The following ESRRB variants were observed in gnomAD, a reference collection of about 807,000 sequenced individuals.
ESRRB encodes the protein estrogen related receptor beta.
A neutral mutation model predicts 46.0 loss-of-function variants in ESRRB; 16 were observed. That is an observed-to-expected ratio of 0.35 (90% CI 0.24 to 0.53). The LOEUF is 0.53. ESRRB is among the 20% of genes least tolerant of loss of function. The pLI is 0.93. For synonymous variants in ESRRB, 246 were observed against 259.6 expected (o/e 0.95, Z 0.50); for missense variants, 488 against 607.4 (o/e 0.80, Z 2.07).
At chr14:76,313,009 G>A (rs2885128) in intron 1 of ESRRB, among the ~76,000 whole-genome samples, 71,073 of 151,962 alleles carry the variant, frequency 0.47, 18,123 homozygotes, top group South Asian at 0.65. Flanking sequence ...GCATTCCTGA[G>A]CAAGTCCTGT....
exon 1 of ESRRB, chr14:76,310,814 T>C: frequency 2.2e-6 from 1 of 453,364 alleles, no homozygotes; most frequent in Admixed American, 2.4e-5. Flanking sequence ...TGTCAGCTGG[T>C]ACCGGAGGAG....
chr14:76,372,846 G>T (rs371745051), upstream of ESRRB, among the ~76,000 whole-genome samples: 1 of 152,238 alleles, frequency 6.6e-6, no homozygotes, highest in African/African-American at 2.4e-5. Context: ...AGAAAGAAAA[G>T]AAAAGAAAAA....
intron 1 of ESRRB, among the ~76,000 whole-genome samples, chr14:76,355,316 G>A (rs1328707942): frequency 6.6e-6 from 1 of 152,096 alleles, no homozygotes; most frequent in African/African-American, 2.4e-5. Flanking sequence ...AAGGACCCTG[G>A]CAGACTTTTA....
chr14:76,488,927 G>A (rs959686918), intron 5 of ESRRB, among the ~76,000 whole-genome samples: 4 of 152,162 alleles, frequency 2.6e-5, no homozygotes, highest in African/African-American at 4.8e-5. Context: ...ACTGTAAACC[G>A]TTGAAGGCAG....
intron 1 of ESRRB, among the ~76,000 whole-genome samples, chr14:76,434,486 AC>A (rs1595113860): frequency 6.6e-6 from 1 of 151,708 alleles, no homozygotes; most frequent in African/African-American, 2.4e-5. Context: ...CCCTGTCTCT[AC>A]CAAAAAAAAA....
Position 76,499,086 on chromosome 14 carries a change from G to A in ESRRB, c.*628G>A, listed in dbSNP as rs934051398. On this transcript the variant is annotated 3_prime_UTR_variant, in exon 7 of 7. Transcript: ENST00000644823. ...GTGCTTCCTGGGCACCCCACCCCTC[G>A]GGGCCTACCCCCCTGCCTGTCACCC... 7 of 333,062 alleles carry A rather than the reference G, an allele frequency of 2.1e-5. No homozygotes were observed. Among genetic ancestry groups the A allele is most frequent in the Non-Finnish European group, 3.0e-5 (5 of 169,178 alleles). 20.6% of individuals were successfully genotyped at this position (333,062 alleles called of 1,614,324 possible). A position where few individuals can be genotyped will look rare whatever the true frequency, so the allele number is the denominator to read the frequency against.
intron 1 of ESRRB, among the ~76,000 whole-genome samples, chr14:76,428,612 G>T (rs1023552253): frequency 6.6e-6 from 1 of 152,162 alleles, no homozygotes; most frequent in Non-Finnish European, 1.5e-5. Context: ...CAAAAAGCCA[G>T]CAGTGGCCAC....
At position 76,482,774 on chromosome 14, in the gene ESRRB, C is replaced by T; in HGVS notation, c.850+15C>T. On this transcript the variant is annotated intron_variant, in intron 5 of 6. Transcript: ENST00000644823. This position sits in a 1 kb window ranked among gnomAD's most constrained non-coding sequence, Gnocchi z 4.3. Reference sequence around the variant, plus strand: ...GCACATCCCAGGTGAGCATGTGGGACCAGGGGAGAGTGTGGCCAGGGACTC... The same window carrying T: ...GCACATCCCAGGTGAGCATGTGGGATCAGGGGAGAGTGTGGCCAGGGACTC... The T allele has an allele frequency of 6.2e-7, 1 of 1,613,642 alleles. No individual in the cohort carries two copies. The highest frequency in any genetic ancestry group is 8.5e-7 in the Non-Finnish European group (1 of 1,179,958).
chr14:76,332,679 T>A lies in ESRRB; in HGVS notation c.2+21763T>A, dbSNP rs1459406337. On this transcript the variant is annotated intron_variant, in intron 1 of 6. Transcript: ENST00000512784. ...AATATATATTATATATATTTATATATTATATATTTATATATTTATATATTA... is the reference window on the plus strand; with the variant it reads ...AATATATATTATATATATTTATATAATATATATTTATATATTTATATATTA... 3.1e-3 allele frequency among the ~76,000 whole-genome samples: 101 copies of A among 32,424 alleles called. 2 individuals are homozygous for A. The highest frequency in any genetic ancestry group is 0.028 in the Middle Eastern group (1 of 36). 21.3% of individuals were successfully genotyped at this position (32,424 alleles called of 152,430 possible).
chr14:76,438,677 A>C (rs1322511947), intron 1 of ESRRB, among the ~76,000 whole-genome samples: 1 of 152,002 alleles, frequency 6.6e-6, no homozygotes, highest in Non-Finnish European at 1.5e-5. Flanking sequence ...AAAAAAAAAA[A>C]ACTTGTAGCC....
chr14:76,372,512 C>T (rs1490780750), upstream of ESRRB, among the ~76,000 whole-genome samples: 2 of 152,102 alleles, frequency 1.3e-5, no homozygotes, highest in Non-Finnish European at 2.9e-5. Flanking sequence ...TAGGGAAGAG[C>T]TCAAACTCAG....
chr14:76,470,258 C>G (rs190914784), intron 3 of ESRRB, among the ~76,000 whole-genome samples: 96 of 152,298 alleles, frequency 6.3e-4, no homozygotes, highest in African/African-American at 2.2e-3. Context: ...CCACGCTAGG[C>G]TTCTAAAAGA....
intron 1 of ESRRB, among the ~76,000 whole-genome samples, chr14:76,317,882 C>T (rs1174430010): frequency 6.6e-6 from 1 of 152,164 alleles, no homozygotes; most frequent in Non-Finnish European, 1.5e-5. Flanking sequence ...CCTAATATCA[C>T]CAGTAAGATA....
At chr14:76,342,922 G>A (rs1023188602) in intron 1 of ESRRB, among the ~76,000 whole-genome samples, 3 of 152,178 alleles carry the variant, frequency 2.0e-5, no homozygotes, top group Non-Finnish European at 4.4e-5. Flanking sequence ...AATGGGCAGG[G>A]ATCGAGTAAG....
rs769654546 is a variant in ESRRB, at chr14:76,453,225, TGAG to T, written c.461-9316_461-9314del. On this transcript the variant is annotated intron_variant, in intron 2 of 6. Transcript: ENST00000644823. Reference sequence around the variant, plus strand: ...CATAGGAGGGGCCTTGAAAGGAGATTGAGGAGTGCCATATTTCATCAGTTCTAA... The same window carrying T: ...CATAGGAGGGGCCTTGAAAGGAGATTGAGTGCCATATTTCATCAGTTCTAA... Among the ~76,000 whole-genome samples the T allele has an allele frequency of 8.5e-5, 13 of 152,304 alleles. No homozygotes were observed. In the East Asian group the frequency reaches 1.9e-3, roughly 23 times the overall value.
chr14:76,436,196 T>A (rs929939898), intron 1 of ESRRB, among the ~76,000 whole-genome samples: 1 of 152,160 alleles, frequency 6.6e-6, no homozygotes, highest in African/African-American at 2.4e-5. Flanking sequence ...TGCTCTGGTG[T>A]CCTTCAGGGT....
At chr14:76,323,103 C>T (rs1367580159) in intron 1 of ESRRB, among the ~76,000 whole-genome samples, 3 of 152,122 alleles carry the variant, frequency 2.0e-5, no homozygotes, top group Admixed American at 1.3e-4. Flanking sequence ...TTAGAAGTCC[C>T]TGATGTGATT....
At position 76,499,927 on chromosome 14, in the gene ESRRB, G is replaced by T; in HGVS notation, c.*1469G>T. The T allele has an allele frequency of 6.2e-7, 1 of 1,614,068 alleles. No individual in the cohort carries two copies. The highest frequency in any genetic ancestry group is 8.5e-7 in the Non-Finnish European group (1 of 1,180,004). Reference sequence around the variant, plus strand: ...AGAATGTCAAGCCATGATGGAAAATGCCCCTTCCAATCAGCTGCCTTCACA... The same window carrying T: ...AGAATGTCAAGCCATGATGGAAAATTCCCCTTCCAATCAGCTGCCTTCACA... On this transcript the variant is annotated 3_prime_UTR_variant, in exon 7 of 7. Transcript: ENST00000644823.
At chr14:76,486,082 T>G (rs1170201237) in intron 5 of ESRRB, among the ~76,000 whole-genome samples, 1 of 152,222 alleles carries the variant, frequency 6.6e-6, no homozygotes, top group Non-Finnish European at 1.5e-5. Flanking sequence ...TACCTTGAGT[T>G]GAATGTTCCA....
Sources: gnomAD v4.1 joint callset for allele counts (sites outside exome capture counted in the v4.1 genomes callset) on GRCh38, gnomAD v4.1.1 for gene constraint, Gnocchi (gnomAD v3.1) non-coding constraint, MANE v1.5 for transcripts, NCBI Gene and HGNC (gene_info 2026-07-23, HGNC 2026-07-21) for gene names.